The following SLC6A9 variants were observed in gnomAD, a reference collection of about 807,000 sequenced individuals.
The protein encoded by SLC6A9 is sodium- and chloride-dependent glycine transporter 1.
SLC6A9 carries 31 observed loss-of-function variants against 70.9 expected under a neutral mutation model. The ratio of observed to expected loss-of-function variants is 0.44; its 90% CI spans 0.33 to 0.59. SLC6A9 has a LOEUF of 0.59. Ranked by LOEUF, SLC6A9 falls within the 20% of genes least tolerant of loss-of-function variation. The pLI is 0.04. For synonymous variants in SLC6A9, 310 were observed against 341.3 expected, an observed-to-expected ratio of 0.91 and a Z score of 1.01; for missense variants, 631 against 845.2, an observed-to-expected ratio of 0.75 and a Z score of 3.14.
rs1400961495 is a variant in SLC6A9, at chr1:44,002,997, A to G, written c.591-12T>C. ...TCAGCACGTACAGCCTGGGAAGGGGAGACTCTGTCACTGAGGGCCAGCCGC... is the reference window on the plus strand; with the variant it reads ...TCAGCACGTACAGCCTGGGAAGGGGGGACTCTGTCACTGAGGGCCAGCCGC... On this transcript the variant is annotated splice_polypyrimidine_tract_variant and intron_variant, in intron 5 of 13. Coordinates refer to ENST00000372310, the MANE Select transcript of SLC6A9 (RefSeq NM_001024845.3). This position sits in a 1 kb window ranked among gnomAD's most constrained non-coding sequence, Gnocchi z 5.5. 1 of 1,613,832 alleles carries G rather than the reference A, an allele frequency of 6.2e-7. No homozygotes were observed. The highest frequency in any genetic ancestry group is 1.1e-5 in the South Asian group (1 of 91,070).
intron 12 of SLC6A9, 150 bp downstream of exon 12, chr1:44,000,617 C>T: frequency 1.6e-6 from 1 of 607,568 alleles, no homozygotes; most frequent in Non-Finnish European, 2.9e-6. Context: ...TGACTCTCTC[C>T]AACCTCCCTC....
chr1:44,010,654 A>G, intron 3 of SLC6A9, 72 bp downstream of exon 3: 1 of 1,447,820 alleles, frequency 6.9e-7, no homozygotes, highest in East Asian at 2.3e-5. Context: ...TGTGCCAGGG[A>G]GAGGGTGGCC....
Position 43,997,327 on chromosome 1 carries a change from C to T in SLC6A9, c.*218G>A, listed in dbSNP as rs1333751221. The T allele has an allele frequency of 2.1e-5, 12 of 568,982 alleles. No individual in the cohort carries two copies. The highest frequency in any genetic ancestry group is 9.3e-6 in the Non-Finnish European group (3 of 322,720). 35.2% of individuals were successfully genotyped at this position (568,982 alleles called of 1,614,324 possible). ...TTGGACCTCCCAGCAACCCTCCACT[C>T]CCACCCCTCCCCCCAGCTGCTATCT... On this transcript the variant is annotated 3_prime_UTR_variant, in exon 14 of 14. Transcript: ENST00000372310. This position sits in a 1 kb window ranked among gnomAD's most constrained non-coding sequence, Gnocchi z 4.4.
rs879814372 is a variant in SLC6A9, at chr1:44,013,453, C to T, written c.31-2571G>A. Among the ~76,000 whole-genome samples the T allele has an allele frequency of 3.3e-5, 5 of 152,330 alleles. No homozygotes were observed. Among genetic ancestry groups the T allele is most frequent in the Middle Eastern group, 3.4e-3 (1 of 294 alleles). On this transcript the variant is annotated intron_variant, in intron 2 of 13. Transcript: ENST00000372310. This position sits in a 1 kb window ranked among gnomAD's most constrained non-coding sequence, Gnocchi z 5.3. ...CCGTGTGCTAACCAGCTTAGCCGTG[C>T]GGGCTGTAACCCAGGGAGGCCACAG...
intron 11 of SLC6A9, 40 bp from the exon 12 acceptor site, chr1:44,000,907 G>A: frequency 3.1e-6 from 5 of 1,593,980 alleles, no homozygotes; most frequent in Middle Eastern, 1.7e-4. Flanking sequence ...AGGACAGAGT[G>A]GGCGGGCCAA....
intron 5 of SLC6A9, among the ~76,000 whole-genome samples, chr1:44,007,955 A>G (rs1472476748): frequency 2.8e-5 from 4 of 144,798 alleles, no homozygotes; most frequent in African/African-American, 1.0e-4. Flanking sequence ...CAGTGGCGCG[A>G]TCTCAGCTCA....
chr1:44,011,954 C>G (rs544669497), intron 2 of SLC6A9, among the ~76,000 whole-genome samples: 1 of 152,308 alleles, frequency 6.6e-6, no homozygotes, highest in South Asian at 2.1e-4. Context: ...GGAAATTAAT[C>G]AGAGCCCAAG....
chr1:44,009,872 A>C, intron 4 of SLC6A9, 93 bp downstream of exon 4: 2 of 1,461,856 alleles, frequency 1.4e-6, no homozygotes, highest in Non-Finnish European at 1.9e-6. Context: ...TACAGAGGTC[A>C]GCCATGTTTG....
rs917015809 is a variant in SLC6A9, at chr1:44,031,366, T to A, written c.-146A>T. 1.3e-5 allele frequency: 2 copies of A among 152,084 alleles called. No individual in the cohort carries two copies. The highest frequency in any genetic ancestry group is 2.9e-5 in the Non-Finnish European group (2 of 68,044). The allele number at this position is 152,084 out of a possible 1,614,324, so 9.4% of individuals were successfully genotyped here. A position where few individuals can be genotyped will look rare whatever the true frequency, so the allele number is the denominator to read the frequency against. On this transcript the variant is annotated 5_prime_UTR_variant, in exon 1 of 14. Coordinates refer to ENST00000372310, the MANE Select transcript of SLC6A9 (RefSeq NM_001024845.3). ...GCACCGCGGTGCGCCCAGGTGGCTT[T>A]CTTAAAGGGAAAGTTGCATCAGCCT...
intron 2 of SLC6A9, among the ~76,000 whole-genome samples, chr1:44,021,073 TG>T (rs952910829): frequency 1.3e-5 from 2 of 152,118 alleles, no homozygotes; most frequent in African/African-American, 2.4e-5. Context: ...GTGACATTGG[TG>T]GGTGGAGGAT....
At position 44,001,031 on chromosome 1, in the gene SLC6A9, T is replaced by C; in HGVS notation, c.1360A>G (p.Met454Val). 1 of 1,581,488 alleles carries C rather than the reference T, an allele frequency of 6.3e-7. No individual in the cohort carries two copies. Among genetic ancestry groups the C allele is most frequent in the Non-Finnish European group, 8.6e-7 (1 of 1,162,474 alleles). The change falls in exon 11 of 14, where the codon ATG (methionine) becomes GTG (valine). Residue 454 changes from methionine to valine, a missense_variant. By Grantham distance (21) the Met-to-Val change is conservative. Transcript: ENST00000372310. ...SQAGIYWLLL[M>V]DNYAASFSLV... is the part of the protein sequence containing the mutation. ...GAGAAGCTGGCCGCATAGTTGTCCATCAGCAGCAGCCAATAGATGCCTGCC... is the reference window on the plus strand; with the variant it reads ...GAGAAGCTGGCCGCATAGTTGTCCACCAGCAGCAGCCAATAGATGCCTGCC...
At chr1:44,005,480 C>T (rs865998077) in intron 5 of SLC6A9, among the ~76,000 whole-genome samples, 5 of 152,286 alleles carry the variant, frequency 3.3e-5, no homozygotes, top group Middle Eastern at 3.4e-3. Flanking sequence ...ACACAAGCTA[C>T]CTAACAGGGT....
At chr1:44,030,031 TC>T (rs1280282186) in intron 1 of SLC6A9, among the ~76,000 whole-genome samples, 5 of 152,088 alleles carry the variant, frequency 3.3e-5, no homozygotes, top group African/African-American at 1.2e-4. Context: ...CGAGCAAGCG[TC>T]CCGTCTCCTT....
chr1:44,007,851 A>C (rs1016063641), intron 5 of SLC6A9, among the ~76,000 whole-genome samples: 17 of 151,308 alleles, frequency 1.1e-4, no homozygotes, highest in African/African-American at 4.1e-4. Context: ...TACTCTGTAA[A>C]GATCCTGCAA....
chr1:44,024,294 G>A lies in SLC6A9; in HGVS notation c.-17C>T, dbSNP rs1186450009. On this transcript the variant is annotated 5_prime_UTR_variant, in exon 2 of 14. Transcript: ENST00000372310. ...TCCTACCATGGCGGCGGTGGGTTGG[G>A]GCTCTGGTGACGGGGACCACACTCA... 2 of 1,614,080 alleles carry A rather than the reference G, an allele frequency of 1.2e-6. No homozygotes were observed. Among genetic ancestry groups the A allele is most frequent in the Non-Finnish European group, 1.7e-6 (2 of 1,180,008 alleles).
intron 1 of SLC6A9, chr1:44,030,391 T>A (rs968535692): frequency 4.0e-4 from 60 of 150,010 alleles, no homozygotes; most frequent in Admixed American, 3.4e-3. Context: ...CACCGGCCCC[T>A]CCCGGCCCTC....
intron 1 of SLC6A9, among the ~76,000 whole-genome samples, chr1:44,027,323 G>C (rs2154307753): frequency 6.6e-6 from 1 of 152,326 alleles, no homozygotes; most frequent in African/African-American, 2.4e-5. Flanking sequence ...TTGAGCCTTA[G>C]TTTTCTCAGT....
intron 2 of SLC6A9, among the ~76,000 whole-genome samples, chr1:44,022,149 C>A (rs1189639937): frequency 6.6e-6 from 1 of 152,232 alleles, no homozygotes; most frequent in African/African-American, 2.4e-5. Flanking sequence ...GCCGGGCCGA[C>A]CGGCAGAGCA....
chr1:44,015,800 T>C (rs946359035), intron 2 of SLC6A9: 1 of 955,460 alleles, frequency 1.0e-6, no homozygotes, highest in Admixed American at 6.2e-5. Flanking sequence ...CTCTGATCTC[T>C]GGCCTCAGTT....
Sources: allele counts gnomAD v4.1 joint callset (sites outside exome capture counted in the v4.1 genomes callset), GRCh38; gene constraint gnomAD v4.1.1; non-coding constraint Gnocchi (gnomAD v3.1); transcripts MANE v1.5; gene names NCBI Gene and HGNC (gene_info 2026-07-23, HGNC 2026-07-21).